CYP11A1: variants seen among roughly 807,000 people sequenced by gnomAD.
CYP11A1 encodes the protein cholesterol side-chain cleavage enzyme, mitochondrial.
Under a neutral mutation model 51.9 loss-of-function variants are expected in CYP11A1, and 25 were observed. That is an observed-to-expected ratio of 0.48 (90% CI 0.35 to 0.67). The LOEUF (loss-of-function observed/expected upper bound fraction) is 0.67, where lower values mean the gene tolerates loss of function less well. Among genes scored for constraint, CYP11A1 ranks in the 30% least tolerant of loss-of-function variants. CYP11A1 has a pLI of 0.00. For synonymous variants in CYP11A1, 245 were observed against 262.1 expected (o/e 0.93, Z 0.63); for missense variants, 578 against 680.9 (o/e 0.85, Z 1.68).
At chr15:74,355,220 C>T (rs1447903624) in intron 1 of CYP11A1, among the ~76,000 whole-genome samples, 1 of 152,162 alleles carries the variant, frequency 6.6e-6, no homozygotes, top group Non-Finnish European at 1.5e-5. Flanking sequence ...ACCTCTTCAA[C>T]TCACACGTGA....
At chr15:74,366,936 GAACTC>G in intron 1 of CYP11A1, 1 of 241,762 alleles carries the variant, frequency 4.1e-6, no homozygotes, top group Non-Finnish European at 8.2e-6. Flanking sequence ...GGATGGTCTC[GAACTC>G]TTGATCTCAA....
intron 1 of CYP11A1, among the ~76,000 whole-genome samples, chr15:74,349,312 C>T (rs1020155586): frequency 2.6e-5 from 4 of 152,120 alleles, no homozygotes; most frequent in Admixed American, 2.0e-4. Flanking sequence ...TGCCTTTTAT[C>T]GAAGAAAATT....
intron 5 of CYP11A1, among the ~76,000 whole-genome samples, chr15:74,341,733 G>A (rs907437902): frequency 5.9e-5 from 9 of 152,182 alleles, no homozygotes; most frequent in African/African-American, 2.2e-4. Flanking sequence ...AACCTCAAAT[G>A]TGACTATATT....
intron 1 of CYP11A1, chr15:74,366,646 C>G (rs1415281371): frequency 2.0e-5 from 3 of 151,518 alleles, no homozygotes; most frequent in East Asian, 2.0e-4. Flanking sequence ...AACTCGCTGG[C>G]TGGGCTGACA....
intron 1 of CYP11A1, among the ~76,000 whole-genome samples, chr15:74,357,361 C>G (rs1416517342): frequency 6.6e-6 from 1 of 152,178 alleles, no homozygotes; most frequent in Non-Finnish European, 1.5e-5. Context: ...CCTATCTCAA[C>G]ATAATTCTTC....
rs768847979 is a variant in CYP11A1 at position 74,345,219 on chromosome 15, G to A, written c.450C>T (p.Asp150=). The change falls in exon 3 of 9, where the codon GAC becomes GAT. Residue 150 remains aspartate (D), a synonymous_variant. Transcript: ENST00000268053. The surrounding 1 kb of genome is among the most constrained non-coding windows in gnomAD (Gnocchi z 4.3). ...LLKKSAAWKK[D]RVALNQEVMA... ...TCACCTCCTGGTTCAGGGCCACCCG[G>A]TCTTTCTTCCAGGCTGCCGACTTCC... 1 of 1,614,180 alleles carries A rather than the reference G, an allele frequency of 6.2e-7. No homozygotes were observed. The highest frequency in any genetic ancestry group is 1.3e-5 in the African/African-American group (1 of 75,044).
intron 2 of CYP11A1, 58 bp downstream of exon 2, chr15:74,347,842 C>T (rs2060639160): frequency 6.3e-7 from 1 of 1,594,978 alleles, no homozygotes; most frequent in South Asian, 1.1e-5. Context: ...CAGCCTCTGC[C>T]CTCTCCACAG....
In CYP11A1 at chr15:74,339,300, G is replaced by T; in HGVS notation, c.1173C>A (p.Ser391=). The T allele has an allele frequency of 6.2e-7, 1 of 1,614,174 alleles. No homozygotes were observed. The highest frequency in any genetic ancestry group is 8.5e-7 in the Non-Finnish European group (1 of 1,179,982). Residue 391 remains serine, a synonymous_variant, in exon 7 of 9, where the codon TCC becomes TCA. Transcript: ENST00000268053. ...IKETLRLHPI[S]VTLQRYLVND... Reference sequence around the variant, plus strand: ...TTACAAGATATCTCTGCAGGGTCACGGAGATGGGGTGAAGTCTGCGGGAGG... The same window carrying T: ...TTACAAGATATCTCTGCAGGGTCACTGAGATGGGGTGAAGTCTGCGGGAGG...
At chr15:74,361,594 A>G in intron 1 of CYP11A1, 1 of 1,036,832 alleles carries the variant, frequency 9.6e-7, no homozygotes, top group Non-Finnish European at 1.5e-6. Flanking sequence ...AGTCACGGCG[A>G]GCCCTTGGGT....
chr15:74,359,117 C>T (rs1025124453), intron 1 of CYP11A1, among the ~76,000 whole-genome samples: 2 of 152,314 alleles, frequency 1.3e-5, no homozygotes, highest in South Asian at 4.1e-4. Flanking sequence ...TTTAGTTTTT[C>T]AGTTCATACA....
chr15:74,338,898 G>T, intron 7 of CYP11A1, 130 bp from the exon 8 acceptor site: 1 of 860,534 alleles, frequency 1.2e-6, no homozygotes, highest in Non-Finnish European at 1.9e-6. Flanking sequence ...CAGCTCTCCA[G>T]GGCAGGACAT....
At chr15:74,353,364 G>A (rs1490357403) in intron 1 of CYP11A1, among the ~76,000 whole-genome samples, 1 of 152,170 alleles carries the variant, frequency 6.6e-6, no homozygotes, top group Non-Finnish European at 1.5e-5. Context: ...CTTGATTAAA[G>A]TAAGAAGTAT....
rs755714115 is a variant in CYP11A1, at chr15:74,337,970, G to C, written c.*2C>G. 6.2e-6 allele frequency: 10 copies of C among 1,613,856 alleles called. No individual in the cohort carries two copies. The South Asian group carries it at 1.1e-4, about 18-fold the overall frequency. ...CATGTGGCTGCAGGCCATCCTCTCTGATCACTGCTGGGTTGCTTCCTGGTT... is the reference window on the plus strand; with the variant it reads ...CATGTGGCTGCAGGCCATCCTCTCTCATCACTGCTGGGTTGCTTCCTGGTT... On this transcript the variant is annotated 3_prime_UTR_variant, in exon 9 of 9. Transcript: ENST00000268053.
intron 5 of CYP11A1, among the ~76,000 whole-genome samples, chr15:74,342,479 G>A (rs146609965): frequency 7.7e-4 from 117 of 152,298 alleles, no homozygotes; most frequent in African/African-American, 2.7e-3. Context: ...TGGGGGCACC[G>A]TAGGGTACTG....
intron 1 of CYP11A1, chr15:74,356,243 C>A (rs539473861): frequency 1.4e-4 from 22 of 152,266 alleles, no homozygotes; most frequent in Non-Finnish European, 3.1e-4. Context: ...GTATTGCCTG[C>A]AGCCTGGGAT....
chr15:74,343,092 C>A lies in CYP11A1; in HGVS notation c.875G>T (p.Gly292Val), dbSNP rs1380334670. 3 of 1,613,968 alleles carry A rather than the reference C, an allele frequency of 1.9e-6. No individual in the cohort carries two copies. Among genetic ancestry groups the A allele is most frequent in the Non-Finnish European group, 2.5e-6 (3 of 1,180,032 alleles). Reference protein sequence around the residue: ...QNFYWELRQKGSVHHDYRGIL... With the variant: ...QNFYWELRQKVSVHHDYRGIL... ...GCCACGGTAATCGTGGTGAACACTT[C>A]CTTTCTGTCTCAATTCCCAGTAGAA... Residue 292 changes from glycine (G) to valine (V), a missense_variant, in exon 5 of 9, where the codon GGA becomes GTA. By Grantham distance (109) the Gly-to-Val change is moderately radical. Transcript: ENST00000268053.
At chr15:74,339,432 G>T (rs2141231083) in intron 6 of CYP11A1, 117 bp from the exon 7 acceptor site, 1 of 1,393,750 alleles carries the variant, frequency 7.2e-7, no homozygotes. Context: ...GGACCTGGGG[G>T]TAGGGCCCTG....
At chr15:74,347,621 G>A (rs894130773) in intron 2 of CYP11A1, among the ~76,000 whole-genome samples, 2 of 152,144 alleles carry the variant, frequency 1.3e-5, no homozygotes, top group African/African-American at 4.8e-5. Context: ...GGGACTCAGT[G>A]AGCAAACCAG....
At chr15:74,343,654 C>T in intron 4 of CYP11A1, 135 bp downstream of exon 4, 1 of 814,182 alleles carries the variant, frequency 1.2e-6, no homozygotes, top group Non-Finnish European at 2.1e-6. Flanking sequence ...CAGGGCCTTC[C>T]TGACACCCAC....
Sources: allele counts gnomAD v4.1 joint callset (sites outside exome capture counted in the v4.1 genomes callset), GRCh38; gene constraint gnomAD v4.1.1; non-coding constraint Gnocchi (gnomAD v3.1); transcripts MANE v1.5; gene names NCBI Gene and HGNC (gene_info 2026-07-23, HGNC 2026-07-21).